The following SLC2A14 variants were observed in gnomAD, a reference collection of about 807,000 sequenced individuals.
SLC2A14 encodes solute carrier family 2, facilitated glucose transporter member 14.
A neutral mutation model predicts 43.0 loss-of-function variants in SLC2A14; 13 were observed. The ratio of observed to expected loss-of-function variants is 0.30; its 90% CI spans 0.20 to 0.48. The LOEUF (loss-of-function observed/expected upper bound fraction) is 0.48, where lower values mean the gene tolerates loss of function less well. SLC2A14 is among the 20% of genes least tolerant of loss of function. SLC2A14 has a pLI of 0.99. For missense variants in SLC2A14, 428 were observed against 620.4 expected (o/e 0.69, Z 3.29); for synonymous variants, 190 against 233.8 (o/e 0.81, Z 1.71).
At chr12:7,817,680 T>C (rs1367223304) in intron 10 of SLC2A14, 151 bp downstream of exon 10, 22 of 936,134 alleles carry the variant, frequency 2.4e-5, no homozygotes, top group Non-Finnish European at 3.2e-5. Flanking sequence ...GGCAGAAGAA[T>C]CGCTTGTCAG....
chr12:7,818,015 C>G lies in SLC2A14; in HGVS notation c.1091G>C (p.Ser364Thr). Residue 364 changes from serine (S) to threonine (T), a missense_variant, in exon 10 of 11, where the codon AGC becomes ACC. By Grantham distance (58) the Ser-to-Thr change is moderately conservative (BLOSUM62 1). This residue lies in a region of SLC2A14 where 119 missense variants were observed against 188.7 expected (regional missense o/e 0.63). Coordinates refer to ENST00000431042, the MANE Select transcript of SLC2A14 (RefSeq NM_001286234.2). ...LLLKNHYNGM[S>T]FVCIGAILVF... ...CAAGATAGCCCCAATACAGACAAAG[C>G]TCATCCCATTATAGTGATTCTGTAA... is the stretch of plus-strand genomic sequence containing the variant. 3 of 1,614,042 alleles carry G rather than the reference C, an allele frequency of 1.9e-6. No homozygotes were observed. Among genetic ancestry groups the G allele is most frequent in the Non-Finnish European group, 1.7e-6 (2 of 1,179,992 alleles).
chr12:7,849,366 TG>T (rs990964491), intron 2 of SLC2A14, among the ~76,000 whole-genome samples: 1 of 151,834 alleles, frequency 6.6e-6, no homozygotes, highest in Non-Finnish European at 1.5e-5. Flanking sequence ...TAGCCAGGTG[TG>T]GTGGCGCCCA....
chr12:7,852,036 T>C (rs755166183), intron 2 of SLC2A14, among the ~76,000 whole-genome samples: 14 of 152,296 alleles, frequency 9.2e-5, no homozygotes, highest in African/African-American at 2.9e-4. Context: ...CATTCCAAAA[T>C]AGCTACATGT....
At chr12:7,880,427 A>T (rs1417456667) in intron 1 of SLC2A14, among the ~76,000 whole-genome samples, 1 of 151,802 alleles carries the variant, frequency 6.6e-6, no homozygotes. Flanking sequence ...GTGAGCCAAG[A>T]TCACACCACT....
At chr12:7,822,979 A>G (rs757340967) in intron 7 of SLC2A14, among the ~76,000 whole-genome samples, 1 of 152,350 alleles carries the variant, frequency 6.6e-6, no homozygotes, top group South Asian at 2.1e-4. Context: ...TGTATTTCCT[A>G]GGCCTAGGCC....
chr12:7,839,015 A>G (rs1213406094), intron 2 of SLC2A14, among the ~76,000 whole-genome samples: 2 of 149,766 alleles, frequency 1.3e-5, no homozygotes, highest in African/African-American at 4.9e-5. Context: ...GTCTCAGGAG[A>G]AACTAAGCCT....
At chr12:7,874,970 TATAA>T, upstream of SLC2A14, among the ~76,000 whole-genome samples, 1 of 7,954 alleles carries the variant, frequency 1.3e-4, no homozygotes, top group African/African-American at 3.2e-4. Flanking sequence ...ATAAATTATA[TATAA>T]ATATATTTAT....
intron 7 of SLC2A14, among the ~76,000 whole-genome samples, chr12:7,823,995 A>G (rs145896779): frequency 6.6e-6 from 1 of 152,074 alleles, no homozygotes; most frequent in Non-Finnish European, 1.5e-5. Context: ...GTTGCTCACG[A>G]CTGTAATCCC....
chr12:7,844,131 G>C (rs936556158), intron 2 of SLC2A14, among the ~76,000 whole-genome samples: 28 of 152,242 alleles, frequency 1.8e-4, no homozygotes, highest in African/African-American at 6.5e-4. Flanking sequence ...TCCTCAAAAA[G>C]TTTCCTAGTG....
At chr12:7,853,744 A>T (rs762598822) in intron 2 of SLC2A14, among the ~76,000 whole-genome samples, 5 of 152,210 alleles carry the variant, frequency 3.3e-5, no homozygotes, top group African/African-American at 1.2e-4. Context: ...CTTATATGGC[A>T]TATGACCAAC....
chr12:7,862,911 C>G (rs929655296), intron 2 of SLC2A14, among the ~76,000 whole-genome samples: 24 of 151,960 alleles, frequency 1.6e-4, no homozygotes, highest in Admixed American at 4.6e-4. Context: ...GGATTGTAAA[C>G]GCACCAATCA....
chr12:7,830,095 C>T (rs1864881528), intron 4 of SLC2A14, 89 bp from the exon 5 acceptor site: 1 of 1,525,486 alleles, frequency 6.6e-7, no homozygotes, highest in Non-Finnish European at 8.9e-7. Flanking sequence ...TGCTCTTCTC[C>T]AGGCTTATAT....
intron 1 of SLC2A14, among the ~76,000 whole-genome samples, chr12:7,888,398 C>T (rs1011417674): frequency 6.6e-6 from 1 of 152,098 alleles, no homozygotes; most frequent in Non-Finnish European, 1.5e-5. Flanking sequence ...TGATCAAAAA[C>T]GCACTCAATG....
chr12:7,840,543 A>G (rs1400217905), intron 2 of SLC2A14, among the ~76,000 whole-genome samples: 1 of 151,590 alleles, frequency 6.6e-6, no homozygotes, highest in African/African-American at 2.4e-5. Context: ...CCACACCCAC[A>G]CCCAGCTAAT....
chr12:7,824,663 G>A lies in SLC2A14; in HGVS notation c.864+2832C>T, dbSNP rs141971410. 6.6e-3 allele frequency among the ~76,000 whole-genome samples: 998 copies of A among 150,252 alleles called. 15 individuals carry two copies. The highest frequency in any genetic ancestry group is 0.023 in the African/African-American group (924 of 40,924). On this transcript the variant is annotated intron_variant, in intron 7 of 10. Coordinates refer to ENST00000431042, the MANE Select transcript of SLC2A14 (RefSeq NM_001286234.2). ...CAGGAGAATCACTTGAACCCAGGAGGTGGAAGTTGCAGTGAGCCGAGATTG... is the reference window on the plus strand; with the variant it reads ...CAGGAGAATCACTTGAACCCAGGAGATGGAAGTTGCAGTGAGCCGAGATTG...
At chr12:7,850,106 G>T (rs1866805690) in intron 2 of SLC2A14, among the ~76,000 whole-genome samples, 1 of 151,786 alleles carries the variant, frequency 6.6e-6, no homozygotes, top group South Asian at 2.1e-4. Flanking sequence ...CTTGAAGTTG[G>T]TATTTGGAAG....
In SLC2A14 at chr12:7,824,042, G is replaced by A. The variant is rs369701754; in HGVS notation, c.865-2717C>T. Among the ~76,000 whole-genome samples, 14 of 152,248 alleles carry A rather than the reference G, an allele frequency of 9.2e-5. No homozygotes were observed. The East Asian group carries it at 2.5e-3, about 27-fold the overall frequency. ...AGGCTGAGGTGAGTGGATCATCTGAGGTCAGGAGTTCAAGGCCAGGCTGAC... is the reference window on the plus strand; with the variant it reads ...AGGCTGAGGTGAGTGGATCATCTGAAGTCAGGAGTTCAAGGCCAGGCTGAC... On this transcript the variant is annotated intron_variant, in intron 7 of 10. Transcript: ENST00000431042.
At chr12:7,890,099 T>A (rs1013653321) in intron 1 of SLC2A14, among the ~76,000 whole-genome samples, 9 of 152,220 alleles carry the variant, frequency 5.9e-5, no homozygotes, top group Middle Eastern at 3.4e-3. Context: ...GCTGACCTCC[T>A]ATCTCATCCT....
chr12:7,825,384 CAGG>C (rs1263608558), intron 7 of SLC2A14, among the ~76,000 whole-genome samples: 4 of 148,782 alleles, frequency 2.7e-5, no homozygotes, highest in Admixed American at 1.4e-4. Context: ...CACTTGAACC[CAGG>C]AGGTAGAGGT....
Sources: allele counts gnomAD v4.1 joint callset (sites outside exome capture counted in the v4.1 genomes callset), GRCh38; gene constraint gnomAD v4.1.1; regional missense constraint gnomAD v4.1.1; transcripts MANE v1.5; gene names NCBI Gene and HGNC (gene_info 2026-07-23, HGNC 2026-07-21).